The following ANKRD6 variants were observed in gnomAD, a reference collection of about 807,000 sequenced individuals.
The protein encoded by ANKRD6 is ankyrin repeat domain-containing protein 6.
ANKRD6 carries 56 observed loss-of-function variants against 82.3 expected under a neutral mutation model. The observed-to-expected ratio is 0.68, with a 90% CI of 0.55 to 0.85. The LOEUF (loss-of-function observed/expected upper bound fraction) is 0.85, where lower values mean the gene tolerates loss of function less well. Among genes scored for constraint, ANKRD6 ranks in the 40% least tolerant of loss-of-function variants. ANKRD6 has a pLI of 0.00. For missense variants in ANKRD6, 852 were observed against 907.6 expected (o/e 0.94, Z 0.79); for synonymous variants, 347 against 352.1 (o/e 0.99, Z 0.16).
intron 1 of ANKRD6, among the ~76,000 whole-genome samples, chr6:89,505,875 A>G (rs965258384): frequency 6.6e-6 from 1 of 152,244 alleles, no homozygotes; most frequent in African/African-American, 2.4e-5. Context: ...CCAGTAGTAT[A>G]TTCATCCTTA....
chr6:89,505,335 T>G (rs181319398), intron 1 of ANKRD6, among the ~76,000 whole-genome samples: 3 of 152,220 alleles, frequency 2.0e-5, no homozygotes, highest in Admixed American at 6.5e-5. Context: ...ACAGGATTTC[T>G]GTTGTGAATA....
intron 1 of ANKRD6, among the ~76,000 whole-genome samples, chr6:89,524,938 G>A (rs946541207): frequency 6.6e-6 from 1 of 151,646 alleles, no homozygotes; most frequent in Admixed American, 6.6e-5. Context: ...GAGTAAGGTG[G>A]TATCTGATTA....
chr6:89,479,752 C>T (rs920321411), intron 1 of ANKRD6, among the ~76,000 whole-genome samples: 1 of 151,746 alleles, frequency 6.6e-6, no homozygotes, highest in African/African-American at 2.4e-5. Flanking sequence ...AGGTATATCT[C>T]CTAATGCTAT....
chr6:89,564,614 C>A (rs1029434247), intron 1 of ANKRD6, among the ~76,000 whole-genome samples: 1 of 152,086 alleles, frequency 6.6e-6, no homozygotes, highest in African/African-American at 2.4e-5. Flanking sequence ...GCTGAGGAGG[C>A]TGCACAGCAC....
intron 1 of ANKRD6, among the ~76,000 whole-genome samples, chr6:89,537,893 A>AG (rs1239107617): frequency 6.6e-6 from 1 of 150,812 alleles, no homozygotes; most frequent in African/African-American, 2.4e-5. Context: ...AAAAAAAAAA[A>AG]AAAAAAAGAA....
intron 5 of ANKRD6, 48 bp from the exon 6 acceptor site, chr6:89,612,224 C>G: frequency 6.6e-7 from 1 of 1,507,622 alleles, no homozygotes; most frequent in Admixed American, 2.0e-5. Flanking sequence ...CAAGTCTGTG[C>G]GGAAGCATGT....
At chr6:89,519,427 G>A in intron 1 of ANKRD6, among the ~76,000 whole-genome samples, 1 of 152,190 alleles carries the variant, frequency 6.6e-6, no homozygotes, top group East Asian at 1.9e-4. Flanking sequence ...GTGGTGGATT[G>A]AAGCATTCTA....
At chr6:89,531,132 C>T (rs1444572022) in intron 1 of ANKRD6, among the ~76,000 whole-genome samples, 24 of 152,154 alleles carry the variant, frequency 1.6e-4, no homozygotes, top group Admixed American at 1.4e-3. Context: ...AGAGGTGGCT[C>T]GGGGCCTGTG....
At chr6:89,464,315 A>G (rs1179781123) in intron 1 of ANKRD6, among the ~76,000 whole-genome samples, 2 of 152,200 alleles carry the variant, frequency 1.3e-5, no homozygotes, top group African/African-American at 4.8e-5. Flanking sequence ...AAGGAAAAAA[A>G]AAGAATTAAC....
intron 12 of ANKRD6, 73 bp from the exon 13 acceptor site, chr6:89,624,466 C>A: frequency 6.6e-7 from 1 of 1,507,178 alleles, no homozygotes; most frequent in Non-Finnish European, 8.9e-7. Context: ...CTGCCTGGCA[C>A]GTGGATGGTG....
chr6:89,554,488 A>C (rs1786302021), intron 1 of ANKRD6, among the ~76,000 whole-genome samples: 1 of 151,780 alleles, frequency 6.6e-6, no homozygotes, highest in African/African-American at 2.4e-5. Context: ...TCTGGGGACT[A>C]AGACATGGAC....
At chr6:89,587,513 C>CT (rs534937207) in intron 2 of ANKRD6, among the ~76,000 whole-genome samples, 4 of 152,054 alleles carry the variant, frequency 2.6e-5, no homozygotes, top group Non-Finnish European at 4.4e-5. Flanking sequence ...AAGGAATTCT[C>CT]TTATCAATTA....
intron 13 of ANKRD6, among the ~76,000 whole-genome samples, chr6:89,624,897 A>G (rs977116638): frequency 6.6e-6 from 1 of 152,236 alleles, no homozygotes; most frequent in Non-Finnish European, 1.5e-5. Flanking sequence ...TATTATAGAA[A>G]TAAGATATCC....
At chr6:89,582,844 T>C (rs760648685) in intron 2 of ANKRD6, among the ~76,000 whole-genome samples, 2 of 152,292 alleles carry the variant, frequency 1.3e-5, no homozygotes, top group South Asian at 4.1e-4. Flanking sequence ...CTCAAGGATA[T>C]GTGGTGAGGA....
At chr6:89,522,238 A>G (rs77033970) in intron 1 of ANKRD6, among the ~76,000 whole-genome samples, 8,841 of 152,262 alleles carry the variant, frequency 0.058, 290 homozygotes, top group South Asian at 0.13. Context: ...CCATGGGAGA[A>G]GGGTCCCTGG....
At chr6:89,461,215 G>T (rs1019739227) in intron 1 of ANKRD6, among the ~76,000 whole-genome samples, 11 of 152,048 alleles carry the variant, frequency 7.2e-5, no homozygotes, top group Admixed American at 5.9e-4. Flanking sequence ...CACCTGGCTT[G>T]GTGTTTTGGA....
chr6:89,501,003 A>G (rs1779202040), intron 1 of ANKRD6, among the ~76,000 whole-genome samples: 1 of 150,986 alleles, frequency 6.6e-6, no homozygotes, highest in African/African-American at 2.4e-5. Context: ...CTAGCACAGA[A>G]AAAAGCACAG....
At chr6:89,615,238 G>T (rs1275072702) in intron 7 of ANKRD6, among the ~76,000 whole-genome samples, 5 of 152,106 alleles carry the variant, frequency 3.3e-5, no homozygotes, top group African/African-American at 1.2e-4. Context: ...CTGCATATGA[G>T]AATCAACAGG....
intron 2 of ANKRD6, among the ~76,000 whole-genome samples, chr6:89,586,073 C>A (rs983762644): frequency 6.6e-6 from 1 of 152,108 alleles, no homozygotes; most frequent in African/African-American, 2.4e-5. Flanking sequence ...TCAATAAGAA[C>A]AAGAAACACC....
Sources: gnomAD v4.1 joint callset for allele counts (sites outside exome capture counted in the v4.1 genomes callset) on GRCh38, gnomAD v4.1.1 for gene constraint, MANE v1.5 for transcripts, NCBI Gene and HGNC (gene_info 2026-07-23, HGNC 2026-07-21) for gene names.